Variants in DIDO1 observed in about 807,000 individuals in gnomAD.
The protein encoded by DIDO1 is death-inducer obliterator 1.
In DIDO1, 16 loss-of-function variants were observed where a neutral mutation model predicts 99.4. That is an observed-to-expected ratio of 0.16 (90% CI 0.11 to 0.24). The LOEUF (loss-of-function observed/expected upper bound fraction) is 0.24, where lower values mean the gene tolerates loss of function less well. Ranked by LOEUF, DIDO1 falls within the 10% of genes least tolerant of loss-of-function variation. The pLI is 1.00. For synonymous variants in DIDO1, 1,366 were observed against 1,239.1 expected, an observed-to-expected ratio of 1.10 and a Z score of -2.15; for missense variants, 2,996 against 3,014.0, an observed-to-expected ratio of 0.99 and a Z score of 0.14.
intron 6 of DIDO1, among the ~76,000 whole-genome samples, chr20:62,900,102 A>G (rs2064631820): frequency 6.6e-6 from 1 of 152,026 alleles, no homozygotes; most frequent in Non-Finnish European, 1.5e-5. Context: ...AGCCTCCCCT[A>G]CACGCTGCTG....
At chr20:62,924,876 G>C (rs1010596007) in intron 1 of DIDO1, among the ~76,000 whole-genome samples, 6 of 152,140 alleles carry the variant, frequency 3.9e-5, no homozygotes, top group African/African-American at 1.4e-4. Context: ...GCCTCTGGTG[G>C]AAAGCCTGAA....
intron 13 of DIDO1, 50 bp from the exon 14 acceptor site, chr20:62,892,126 G>C: frequency 6.6e-7 from 1 of 1,524,316 alleles, no homozygotes; most frequent in Non-Finnish European, 9.0e-7. Context: ...AGTAGTCACA[G>C]AAAGACGAAT....
intron 1 of DIDO1, among the ~76,000 whole-genome samples, chr20:62,923,248 T>C (rs2065190419): frequency 3.9e-5 from 6 of 152,132 alleles, no homozygotes; most frequent in Admixed American, 3.3e-4. Context: ...CGGTCTCGGC[T>C]CACTGCAACC....
intron 15 of DIDO1, chr20:62,887,566 C>T (rs554849330): frequency 5.2e-4 from 511 of 985,406 alleles, no homozygotes; most frequent in Admixed American, 9.2e-4. Context: ...GTTTATGGAC[C>T]GAGGTTACTC....
chr20:62,929,460 G>C (rs1178707399), upstream of DIDO1, among the ~76,000 whole-genome samples: 1 of 152,090 alleles, frequency 6.6e-6, no homozygotes, highest in Non-Finnish European at 1.5e-5. Flanking sequence ...GGCCTGCAGG[G>C]ATGCACCGCG....
At chr20:62,917,409 C>G (rs2065058505) in intron 1 of DIDO1, among the ~76,000 whole-genome samples, 1 of 152,166 alleles carries the variant, frequency 6.6e-6, no homozygotes, top group African/African-American at 2.4e-5. Context: ...TACAAGTTTT[C>G]TAAAATTCCA....
intron 1 of DIDO1, among the ~76,000 whole-genome samples, chr20:62,917,538 C>A (rs567277294): frequency 6.6e-6 from 1 of 152,304 alleles, no homozygotes; most frequent in East Asian, 1.9e-4. Flanking sequence ...AACTGTCCTC[C>A]GTCTGTTGTT....
intron 3 of DIDO1, 57 bp downstream of exon 3, chr20:62,910,717 A>G (rs2064913148): frequency 6.4e-7 from 1 of 1,550,976 alleles, no homozygotes; most frequent in Non-Finnish European, 8.8e-7. Flanking sequence ...AATGAAAACA[A>G]ATGGAAAATT....
chr20:62,921,877 A>G (rs1316170967), intron 1 of DIDO1, among the ~76,000 whole-genome samples: 1 of 150,522 alleles, frequency 6.6e-6, no homozygotes, highest in African/African-American at 2.4e-5. Context: ...ATATATCCAC[A>G]ATATATATAC....
rs1418278306 is a variant in DIDO1 at position 62,893,610 on chromosome 20, T to C, written c.3101+56A>G. On this transcript the variant is annotated intron_variant, in intron 12 of 15. Coordinates refer to ENST00000395343, the MANE Select transcript of DIDO1 (RefSeq NM_001193369.2). The stretch of plus-strand genomic sequence containing the variant: ...CTATTTAATCACCAGTTATCTTTCC[T>C]TTCGTTAATCTAAAAAAAAAGTTTG... 5 of 1,500,898 alleles carry C rather than the reference T, an allele frequency of 3.3e-6. No homozygotes were observed. The Admixed American group carries it at 1.1e-4, about 33-fold the overall frequency. The allele number at this position is 1,500,898 out of a possible 1,614,324, so 93.0% of individuals were successfully genotyped here. A position where few individuals can be genotyped will look rare whatever the true frequency, so the allele number is the denominator to read the frequency against.
intron 1 of DIDO1, among the ~76,000 whole-genome samples, chr20:62,916,450 C>A (rs2065039763): frequency 6.6e-6 from 1 of 152,196 alleles, no homozygotes; most frequent in Non-Finnish European, 1.5e-5. Context: ...TGTCTCAAGA[C>A]ACTTTTACAA....
rs778928803 is a variant in DIDO1 at position 62,894,571 on chromosome 20, A to G, written c.2437-23T>C. 1.9e-6 allele frequency: 3 copies of G among 1,601,462 alleles called. No individual in the cohort carries two copies. The African/African-American group carries it at 4.0e-5, about 21-fold the overall frequency. ...TTCCTAAAAAAGAAAAAGAAAAAAA[A>G]GTGAGGTCGTTTCTTCTCCAAACTC... is the stretch of plus-strand genomic sequence containing the variant. On this transcript the variant is annotated intron_variant, in intron 10 of 15. Transcript: ENST00000395343. The surrounding 1 kb of genome is among the most constrained non-coding windows in gnomAD (Gnocchi z 4.4).
intron 4 of DIDO1, 128 bp from the exon 5 acceptor site, chr20:62,907,487 T>G: frequency 4.6e-6 from 4 of 867,540 alleles, no homozygotes; most frequent in Non-Finnish European, 7.0e-6. Flanking sequence ...AACAGTACTT[T>G]TAATATGAAT....
intron 6 of DIDO1, among the ~76,000 whole-genome samples, chr20:62,904,780 CAAAAAAAAAAAAAAA>C (rs58039393): frequency 1.4e-4 from 9 of 62,610 alleles, no homozygotes; most frequent in African/African-American, 4.0e-4. Context: ...ACTCTTGTCT[CAAAAAAAAAAAAAAA>C]AAAAAAAAAA....
Position 62,896,260 on chromosome 20 carries a change from CATG to C in DIDO1, c.2184_2186del (p.Ile728del). On this transcript the variant is annotated inframe_deletion, in exon 8 of 16. Transcript: ENST00000395343. This position sits in a 1 kb window ranked among gnomAD's most constrained non-coding sequence, Gnocchi z 4.4. ...GATTTTTAGGGTCCTTCAGGTTGAA[CATG>C]ATGCTGCGATATTTACTCTTGTAGC... The C allele has an allele frequency of 6.2e-7, 1 of 1,613,742 alleles. No homozygotes were observed. The highest frequency in any genetic ancestry group is 8.5e-7 in the Non-Finnish European group (1 of 1,179,934).
At chr20:62,888,186 A>C (rs941212181) in intron 15 of DIDO1, 115 of 985,384 alleles carry the variant, frequency 1.2e-4, no homozygotes, top group Non-Finnish European at 1.3e-4. Flanking sequence ...AGGACTGGAC[A>C]CCACGCTGTC....
intron 6 of DIDO1, among the ~76,000 whole-genome samples, chr20:62,899,720 A>G (rs994857248): frequency 1.3e-5 from 2 of 152,356 alleles, no homozygotes; most frequent in East Asian, 1.9e-4. Flanking sequence ...TTTAAAGAGC[A>G]TGGAAATGGG....
chr20:62,892,097 G>A lies in DIDO1; in HGVS notation c.3256-21C>T, dbSNP rs370395595. On this transcript the variant is annotated intron_variant, in intron 13 of 15. Coordinates refer to ENST00000395343, the MANE Select transcript of DIDO1 (RefSeq NM_001193369.2). ...AAATCCTAAACAGAAAGTACTTTGCGTAAATCACTTTGAACTGTAGTAGTC... is the reference window on the plus strand; with the variant it reads ...AAATCCTAAACAGAAAGTACTTTGCATAAATCACTTTGAACTGTAGTAGTC... 1.0e-5 allele frequency: 16 copies of A among 1,603,344 alleles called. No individual in the cohort carries two copies. The East Asian group carries it at 1.3e-4, about 13-fold the overall frequency.
Position 62,893,440 on chromosome 20 carries a change from T to C in DIDO1, c.3101+226A>G, listed in dbSNP as rs376783008. ...TTTGGTTAAAGAAAAATAAAGTGAA[T>C]AGGCAACAAAACTGGATGAGCACAA... On this transcript the variant is annotated intron_variant, in intron 12 of 15. Coordinates refer to ENST00000395343, the MANE Select transcript of DIDO1 (RefSeq NM_001193369.2). Among the ~76,000 whole-genome samples, 9 of 152,350 alleles carry C rather than the reference T, an allele frequency of 5.9e-5. 1 individual carries two copies. The highest frequency in any genetic ancestry group is 3.9e-4 in the East Asian group (2 of 5,192).
Sources: allele counts gnomAD v4.1 joint callset (sites outside exome capture counted in the v4.1 genomes callset), GRCh38; gene constraint gnomAD v4.1.1; non-coding constraint Gnocchi (gnomAD v3.1); transcripts MANE v1.5; gene names NCBI Gene and HGNC (gene_info 2026-07-23, HGNC 2026-07-21).